Variants in MTMR10 observed in about 807,000 individuals in gnomAD.
MTMR10 encodes the protein myotubularin related protein 10.
In MTMR10, 56 loss-of-function variants were observed where a neutral mutation model predicts 88.1. The observed-to-expected ratio is 0.64, with a 90% CI of 0.51 to 0.79. MTMR10 has a LOEUF of 0.79. Ranked by LOEUF, MTMR10 falls within the 30% of genes least tolerant of loss-of-function variation. MTMR10 has a pLI of 0.00. For missense variants in MTMR10, 883 were observed against 924.7 expected (o/e 0.95, Z 0.58); for synonymous variants, 380 against 340.9 (o/e 1.11, Z -1.26).
chr15:30,982,044 C>G (rs1433837400), intron 2 of MTMR10, among the ~76,000 whole-genome samples: 1 of 148,632 alleles, frequency 6.7e-6, no homozygotes, highest in African/African-American at 2.5e-5. Context: ...GCACTCCAGC[C>G]TGGGTGACAG....
chr15:30,943,386 C>T (rs1718319291), intron 14 of MTMR10: 2 of 984,770 alleles, frequency 2.0e-6, no homozygotes, highest in Admixed American at 1.2e-4. Context: ...AAGTCTTAAA[C>T]ATGTTGAATT....
chr15:30,929,627 A>G, the MTMR10 span, among the ~76,000 whole-genome samples: 1 of 126,192 alleles, frequency 7.9e-6, no homozygotes, highest in African/African-American at 3.2e-5. Context: ...TATATATTAT[A>G]TATTATACAA....
chr15:30,938,578 G>A (rs2062933907), downstream of MTMR10, among the ~76,000 whole-genome samples: 1 of 152,184 alleles, frequency 6.6e-6, no homozygotes, highest in African/African-American at 2.4e-5. Flanking sequence ...AGGGTCTCAG[G>A]CTGGGCAAGG....
chr15:30,934,451 C>T (rs2062798713), downstream of MTMR10, among the ~76,000 whole-genome samples: 1 of 152,132 alleles, frequency 6.6e-6, no homozygotes, highest in African/African-American at 2.4e-5. Context: ...AATCCTGATA[C>T]TTATTTTCTC....
At chr15:30,955,174 C>T (rs2063305062) in intron 9 of MTMR10, among the ~76,000 whole-genome samples, 1 of 152,166 alleles carries the variant, frequency 6.6e-6, no homozygotes, top group Admixed American at 6.5e-5. Flanking sequence ...CTCTTAGCAC[C>T]CAACTTCTCC....
At chr15:30,956,683 G>A (rs1337919399) in intron 9 of MTMR10, among the ~76,000 whole-genome samples, 1 of 152,250 alleles carries the variant, frequency 6.6e-6, no homozygotes, top group Non-Finnish European at 1.5e-5. Flanking sequence ...GGACAAAAAA[G>A]AGGATCTGTT....
chr15:30,942,052 T>C lies in MTMR10; in HGVS notation c.1752A>G (p.Leu584=). ...TCTTTAAGGCAGACGGCATTCCTCT[T>C]AGTGTGGAGCTGTAGCTTTTCTATA... ...KRTKKSYSST[L]RGMPSALKNG... Residue 584 remains leucine, a synonymous_variant, in exon 16 of 16, where the codon CTA becomes CTG. Coordinates refer to ENST00000435680, the MANE Select transcript of MTMR10 (RefSeq NM_017762.3). 1.9e-6 allele frequency: 3 copies of C among 1,613,876 alleles called. No individual in the cohort carries two copies. Among genetic ancestry groups the C allele is most frequent in the Non-Finnish European group, 2.5e-6 (3 of 1,179,798 alleles).
chr15:30,962,116 T>C (rs1408246122), intron 6 of MTMR10, among the ~76,000 whole-genome samples: 1 of 152,244 alleles, frequency 6.6e-6, no homozygotes, highest in African/African-American at 2.4e-5. Context: ...AGAGTGCTGT[T>C]TCCACATGAA....
chr15:30,953,767 G>A, intron 10 of MTMR10, 136 bp from the exon 11 acceptor site: 1 of 596,204 alleles, frequency 1.7e-6, no homozygotes. Flanking sequence ...TTAATAACAT[G>A]GAATAAGCAT....
chr15:30,978,948 ATCT>A (rs959478525), intron 2 of MTMR10, among the ~76,000 whole-genome samples: 4 of 152,176 alleles, frequency 2.6e-5, no homozygotes, highest in African/African-American at 7.2e-5. Flanking sequence ...TAAAATTTAA[ATCT>A]TCTTTGGCTC....
In MTMR10 at chr15:30,961,042, A is replaced by G; in HGVS notation, c.597T>C (p.Asp199=). The change falls in exon 7 of 16, where the codon GAT becomes GAC. Residue 199 remains aspartate, a synonymous_variant. Transcript: ENST00000435680. ...ANKINGIPSG[D]GGGGGGGGNG... is the part of the protein sequence containing the mutation. ...TACCTCCTCCTCCTCCTCCTCCTCC[A>G]TCTCCTGAGGGAATTCCATTAATTT... is the stretch of plus-strand genomic sequence containing the variant. The G allele has an allele frequency of 6.4e-7, 1 of 1,554,902 alleles. No individual in the cohort carries two copies. Among genetic ancestry groups the G allele is most frequent in the Non-Finnish European group, 8.7e-7 (1 of 1,148,740 alleles).
At chr15:30,925,032 C>A in the MTMR10 span, 1 of 1,337,272 alleles carries the variant, frequency 7.5e-7, no homozygotes, top group Non-Finnish European at 1.0e-6. Context: ...CAGCAAAATT[C>A]AATAATAAAC....
chr15:30,991,496 A>T lies in MTMR10; in HGVS notation c.11T>A (p.Leu4His), dbSNP rs1459733322. 6.6e-7 allele frequency: 1 copy of T among 1,525,576 alleles called. No individual in the cohort carries two copies. The highest frequency in any genetic ancestry group is 8.7e-7 in the Non-Finnish European group (1 of 1,145,420). 94.5% of individuals were successfully genotyped at this position (1,525,576 alleles called of 1,614,324 possible). A position where few individuals can be genotyped will look rare whatever the true frequency, so the allele number is the denominator to read the frequency against. ...CCTGAAGGTGGGTTTGGGCGGCTTG[A>T]GGGAGAACATGGTGCCGCCGCCTTT... MFS[L>H]KPPKPTFRSY... Residue 4 changes from leucine (L) to histidine (H), a missense_variant, in exon 1 of 16, where the codon CTC becomes CAC. By Grantham distance (99) the Leu-to-His change is moderately conservative. Coordinates refer to ENST00000435680, the MANE Select transcript of MTMR10 (RefSeq NM_017762.3).
At chr15:30,978,054 C>A (rs1398617580) in intron 2 of MTMR10, among the ~76,000 whole-genome samples, 1 of 152,182 alleles carries the variant, frequency 6.6e-6, no homozygotes, top group Non-Finnish European at 1.5e-5. Flanking sequence ...CACTGCTCTG[C>A]CCACAGTGGT....
chr15:30,948,569 C>T (rs1166714659), intron 12 of MTMR10, 98 bp from the exon 13 acceptor site: 12 of 1,235,974 alleles, frequency 9.7e-6, no homozygotes, highest in African/African-American at 3.1e-5. Context: ...TTCTGCACAC[C>T]TAGGCTGCCT....
chr15:30,929,608 CATATATA>C, the MTMR10 span, among the ~76,000 whole-genome samples: 1 of 114,388 alleles, frequency 8.7e-6, no homozygotes, highest in Admixed American at 1.1e-4. Flanking sequence ...TTACATATTA[CATATATA>C]ATATATATTA....
At chr15:30,943,554 C>T (rs2063119133) in intron 14 of MTMR10, 2 of 985,310 alleles carry the variant, frequency 2.0e-6, no homozygotes, top group African/African-American at 1.7e-5. Flanking sequence ...TTCACTGAGC[C>T]AGTGATCTCA....
At chr15:30,989,124 G>A (rs1263986825) in intron 2 of MTMR10, among the ~76,000 whole-genome samples, 1 of 152,092 alleles carries the variant, frequency 6.6e-6, no homozygotes, top group Non-Finnish European at 1.5e-5. Context: ...CTAAGAACCA[G>A]GCCTGTTCAG....
the MTMR10 span, chr15:30,925,297 G>A: frequency 1.2e-6 from 2 of 1,612,846 alleles, no homozygotes; most frequent in East Asian, 2.2e-5. Context: ...AACACGTGAG[G>A]AAAGAGCCTG....
Sources: allele counts gnomAD v4.1 joint callset (sites outside exome capture counted in the v4.1 genomes callset), GRCh38; gene constraint gnomAD v4.1.1; transcripts MANE v1.5; gene names NCBI Gene and HGNC (gene_info 2026-07-23, HGNC 2026-07-21).